PKDCC: variants seen among roughly 807,000 people sequenced by gnomAD.
PKDCC encodes extracellular tyrosine-protein kinase PKDCC.
In PKDCC, 35 loss-of-function variants were observed where a neutral mutation model predicts 44.7. The ratio of observed to expected loss-of-function variants is 0.78; its 90% CI spans 0.60 to 1.04. The LOEUF is 1.04. Ranked by LOEUF, PKDCC falls within the 50% of genes least tolerant of loss-of-function variation. The pLI, the probability that PKDCC is intolerant of heterozygous loss-of-function variation, is 0.00. For missense variants in PKDCC, 738 were observed against 672.7 expected, an observed-to-expected ratio of 1.10 and a Z score of -1.07; for synonymous variants, 353 against 303.3, an observed-to-expected ratio of 1.16 and a Z score of -1.70.
At chr2:42,049,213 G>C (rs190104584) in intron 1 of PKDCC, among the ~76,000 whole-genome samples, 6 of 152,306 alleles carry the variant, frequency 3.9e-5, no homozygotes, top group Admixed American at 2.6e-4. Context: ...CAAGACACTT[G>C]AGTCAGAATT....
chr2:42,056,250 C>A (rs1178301722), intron 5 of PKDCC, among the ~76,000 whole-genome samples: 1 of 152,058 alleles, frequency 6.6e-6, no homozygotes, highest in Non-Finnish European at 1.5e-5. Flanking sequence ...AGAGCTGGGG[C>A]TCTCCAGGCA....
chr2:42,048,470 G>T lies in PKDCC; in HGVS notation c.271G>T (p.Ala91Ser). 1 of 1,057,562 alleles carries T rather than the reference G, an allele frequency of 9.5e-7. No individual in the cohort carries two copies. The highest frequency in any genetic ancestry group is 7.1e-5 in the East Asian group (1 of 14,112). The allele number at this position is 1,057,562 out of a possible 1,614,324, so 65.5% of individuals were successfully genotyped here. ...RPERRRLMDL[A>S]PGGPGLPRPR... Reference sequence around the variant, plus strand: ...GGAGCGGCGGCGCCTGATGGACCTGGCTCCGGGCGGGCCCGGCCTGCCGCG... The same window carrying T: ...GGAGCGGCGGCGCCTGATGGACCTGTCTCCGGGCGGGCCCGGCCTGCCGCG... The change falls in exon 1 of 7, where the codon GCT becomes TCT. Residue 91 changes from alanine to serine, a missense_variant. Ala to Ser is a moderately conservative substitution (Grantham distance 99, BLOSUM62 1). Coordinates refer to ENST00000294964, the MANE Select transcript of PKDCC (RefSeq NM_138370.3). The surrounding 1 kb of genome is among the most constrained non-coding windows in gnomAD (Gnocchi z 6.2).
At chr2:42,056,411 A>C (rs1208522528) in intron 5 of PKDCC, among the ~76,000 whole-genome samples, 1 of 152,142 alleles carries the variant, frequency 6.6e-6, no homozygotes. Context: ...TTTGCATTTT[A>C]GTCCATTTGC....
chr2:42,053,187 C>G (rs1367011696), intron 1 of PKDCC, 52 bp from the exon 2 acceptor site: 2 of 1,297,022 alleles, frequency 1.5e-6, no homozygotes, highest in African/African-American at 3.0e-5. Flanking sequence ...CAGCCCTTCC[C>G]TGTCCCCACC....
rs752539182 is a variant in PKDCC, at chr2:42,048,777, C to T, written c.578C>T (p.Ala193Val). Residue 193 changes from alanine (A) to valine (V), a missense_variant, in exon 1 of 7, where the codon GCC (alanine) becomes GTC (valine). Transcript: ENST00000294964. This position sits in a 1 kb window ranked among gnomAD's most constrained non-coding sequence, Gnocchi z 6.2. Reference protein sequence around the residue: ...GVRRGCYRLAAHKLLKEMVLL... With the variant: ...GVRRGCYRLAVHKLLKEMVLL... Reference sequence around the variant, plus strand: ...CGGAGGGGCTGCTATCGGCTGGCGGCCCACAAGCTGCTTAAGGAGATGGTG... The same window carrying T: ...CGGAGGGGCTGCTATCGGCTGGCGGTCCACAAGCTGCTTAAGGAGATGGTG... The T allele has an allele frequency of 6.5e-7, 1 of 1,542,784 alleles. No homozygotes were observed. The highest frequency in any genetic ancestry group is 2.4e-5 in the East Asian group (1 of 41,854).
rs763152634 is a variant in PKDCC at position 42,048,765 on chromosome 2, A to C, written c.566A>C (p.Tyr189Ser). 1.3e-5 allele frequency: 21 copies of C among 1,571,250 alleles called. No homozygotes were observed. The highest frequency in any genetic ancestry group is 1.8e-5 in the Admixed American group (1 of 55,064). ...VREFGVRRGC[Y>S]RLAAHKLLKE... Reference sequence around the variant, plus strand: ...GAGTTCGGGGTACGGAGGGGCTGCTATCGGCTGGCGGCCCACAAGCTGCTT... The same window carrying C: ...GAGTTCGGGGTACGGAGGGGCTGCTCTCGGCTGGCGGCCCACAAGCTGCTT... Residue 189 changes from tyrosine (Y) to serine (S), a missense_variant, in exon 1 of 7, where the codon TAT (tyrosine) becomes TCT (serine). Physicochemically the swap from Tyr to Ser is moderately radical, Grantham distance 144. Coordinates refer to ENST00000294964, the MANE Select transcript of PKDCC (RefSeq NM_138370.3). The surrounding 1 kb of genome is among the most constrained non-coding windows in gnomAD (Gnocchi z 6.2).
Position 42,057,734 on chromosome 2 carries a change from G to C in PKDCC, c.*46G>C. On this transcript the variant is annotated 3_prime_UTR_variant, in exon 7 of 7. Coordinates refer to ENST00000294964, the MANE Select transcript of PKDCC (RefSeq NM_138370.3). ...ACCAGCTGACTATCCTCAGCAGCTG[G>C]GCTTGCCTGTGGAGGGAGTGACTTG... 1 of 1,568,106 alleles carries C rather than the reference G, an allele frequency of 6.4e-7. No individual in the cohort carries two copies. Among genetic ancestry groups the C allele is most frequent in the South Asian group, 1.1e-5 (1 of 88,686 alleles).
chr2:42,052,917 G>A lies in PKDCC; in HGVS notation c.640-322G>A, dbSNP rs1345228800. Among the ~76,000 whole-genome samples, 5 of 152,286 alleles carry A rather than the reference G, an allele frequency of 3.3e-5. No individual in the cohort carries two copies. The highest frequency in any genetic ancestry group is 1.2e-4 in the African/African-American group (5 of 41,564). The stretch of plus-strand genomic sequence containing the variant: ...TGGAGATAATAATAGCACCTACTGT[G>A]CCCATTAGGGTTATTACAATAATTG... On this transcript the variant is annotated intron_variant, in intron 1 of 6. Transcript: ENST00000294964. The surrounding 1 kb of genome is among the most constrained non-coding windows in gnomAD (Gnocchi z 4.3).
In PKDCC at chr2:42,054,184, C is replaced by A. The variant is rs150069795; in HGVS notation, c.911C>A (p.Thr304Lys). The A allele has an allele frequency of 3.7e-5, 60 of 1,609,850 alleles. No homozygotes were observed. The highest frequency in any genetic ancestry group is 5.1e-5 in the Non-Finnish European group (60 of 1,178,170). Residue 304 changes from threonine (T) to lysine (K), a missense_variant, in exon 3 of 7, where the codon ACG becomes AAG. Physicochemically the swap from Thr to Lys is moderately conservative, Grantham distance 78. Transcript: ENST00000294964. The surrounding 1 kb of genome is among the most constrained non-coding windows in gnomAD (Gnocchi z 6.1). ...CTGGATGACGCACGTGTGGAGGAGACGCCGTGTGCAGGCAGCACCGACTGC... is the reference window on the plus strand; with the variant it reads ...CTGGATGACGCACGTGTGGAGGAGAAGCCGTGTGCAGGCAGCACCGACTGC... Reference protein sequence around the residue: ...TDLDDARVEETPCAGSTDCIL... With the variant: ...TDLDDARVEEKPCAGSTDCIL...
chr2:42,057,179 G>A (rs1365741436), intron 5 of PKDCC, 42 bp from the exon 6 acceptor site: 1 of 1,603,182 alleles, frequency 6.2e-7, no homozygotes, highest in Admixed American at 1.7e-5. Flanking sequence ...ACTCAAACCT[G>A]GGCATACAGA....
rs368411585 is a variant in PKDCC, at chr2:42,057,357, T to C, written c.1359T>C (p.Cys453=). ...ATGTCTGTGAGAGCCATGCCCAGTG[T>C]CGGGCCTTTGTGGTCACCAACCAGA... ...AVDVCESHAQ[C]RAFVVTNQTT... is the part of the protein sequence containing the mutation. The change falls in exon 6 of 7, where the codon TGT becomes TGC. Residue 453 remains cysteine, a synonymous_variant. Transcript: ENST00000294964. 7.4e-6 allele frequency: 12 copies of C among 1,614,052 alleles called. No homozygotes were observed. Among genetic ancestry groups the C allele is most frequent in the Non-Finnish European group, 1.0e-5 (12 of 1,180,036 alleles).
Position 42,055,099 on chromosome 2 carries a change from C to A in PKDCC, c.1114+79C>A, listed in dbSNP as rs1668031304. 1.0e-5 allele frequency: 15 copies of A among 1,471,320 alleles called. No homozygotes were observed. Among genetic ancestry groups the A allele is most frequent in the Middle Eastern group, 1.8e-4 (1 of 5,712 alleles). The allele number at this position is 1,471,320 out of a possible 1,614,324, so 91.1% of individuals were successfully genotyped here. On this transcript the variant is annotated intron_variant, in intron 4 of 6. Coordinates refer to ENST00000294964, the MANE Select transcript of PKDCC (RefSeq NM_138370.3). This position sits in a 1 kb window ranked among gnomAD's most constrained non-coding sequence, Gnocchi z 4.5. ...CAGCAAAAGTGGGGAGAAAAATAAC[C>A]CAGGGCAGCAGGGGTTCTAGAAACC...
intron 6 of PKDCC, 91 bp from the exon 7 acceptor site, chr2:42,057,512 C>T (rs760107173): frequency 8.4e-6 from 13 of 1,548,890 alleles, no homozygotes; most frequent in Admixed American, 5.4e-5. Flanking sequence ...GAGAGGTATA[C>T]GTGTCTTCAA....
At position 42,055,501 on chromosome 2, in the gene PKDCC, T is replaced by C; in HGVS notation, c.1222+108T>C. On this transcript the variant is annotated intron_variant, in intron 5 of 6. Transcript: ENST00000294964. This position sits in a 1 kb window ranked among gnomAD's most constrained non-coding sequence, Gnocchi z 4.5. ...CACCCTTTCTCTGGGGACCCTTGTC[T>C]CCAAAGGCCACTGTAGGGGCTCACA... 1 of 900,072 alleles carries C rather than the reference T, an allele frequency of 1.1e-6. No homozygotes were observed. Among genetic ancestry groups the C allele is most frequent in the Non-Finnish European group, 1.7e-6 (1 of 576,846 alleles). The allele number at this position is 900,072 out of a possible 1,614,324, so 55.8% of individuals were successfully genotyped here. A position where few individuals can be genotyped will look rare whatever the true frequency, so the allele number is the denominator to read the frequency against.
In PKDCC at chr2:42,054,056, C is replaced by A. The variant is rs769620637; in HGVS notation, c.783C>A (p.Arg261=). Residue 261 remains arginine (R), a synonymous_variant, in exon 3 of 7, where the codon CGC becomes CGA. Transcript: ENST00000294964. This position sits in a 1 kb window ranked among gnomAD's most constrained non-coding sequence, Gnocchi z 6.1. ...DRFRICLSLG[R]LLHHLAHSPL... ...CTCAGATCTGCCTGAGCCTGGGCCG[C>A]CTCCTCCACCACCTGGCCCACTCCC... 1 of 1,611,882 alleles carries A rather than the reference C, an allele frequency of 6.2e-7. No homozygotes were observed. The highest frequency in any genetic ancestry group is 1.1e-5 in the South Asian group (1 of 90,954).
rs772850359 is a variant in PKDCC, at chr2:42,057,681, C to T, written c.1475C>T (p.Ser492Phe). 5 of 1,613,604 alleles carry T rather than the reference C, an allele frequency of 3.1e-6. No individual in the cohort carries two copies. The African/African-American group carries it at 5.3e-5, about 17-fold the overall frequency. ...DPNKTTYVKA[S>F]G ...AACAAGACCACATATGTGAAGGCCTCTGGCTGACCTATCTGAGGGCTCGGC... is the reference window on the plus strand; with the variant it reads ...AACAAGACCACATATGTGAAGGCCTTTGGCTGACCTATCTGAGGGCTCGGC... The change falls in exon 7 of 7, where the codon TCT becomes TTT. Residue 492 changes from serine (S) to phenylalanine (F), a missense_variant. Coordinates refer to ENST00000294964, the MANE Select transcript of PKDCC (RefSeq NM_138370.3).
intron 1 of PKDCC, 26 bp from the exon 2 acceptor site, chr2:42,053,213 A>AAAT: frequency 6.5e-7 from 1 of 1,530,752 alleles, no homozygotes; most frequent in Non-Finnish European, 8.8e-7. Context: ...CCTGTGACCT[A>AAAT]ATGACCTGCC....
chr2:42,057,634 G>A lies in PKDCC; in HGVS notation c.1428G>A (p.Trp476Ter). ...GRQLVFFKTG[W>*]SQVVPDPNKT... ...AGCTGGTCTTTTTCAAGACTGGATG[G>A]AGCCAAGTGGTCCCTGATCCCAACA... The change falls in exon 7 of 7, where the codon TGG becomes TGA. Residue 476 changes from tryptophan to a stop codon, truncating the protein, a stop_gained. Transcript: ENST00000294964. LOFTEE classifies it high-confidence loss of function. The A allele has an allele frequency of 6.2e-7, 1 of 1,613,990 alleles. No homozygotes were observed. The highest frequency in any genetic ancestry group is 8.5e-7 in the Non-Finnish European group (1 of 1,180,006).
rs1170160929 is a variant in PKDCC at position 42,052,905 on chromosome 2, A to G, written c.640-334A>G. Among the ~76,000 whole-genome samples, 1 of 152,190 alleles carries G rather than the reference A, an allele frequency of 6.6e-6. No individual in the cohort carries two copies. Among genetic ancestry groups the G allele is most frequent in the African/African-American group, 2.4e-5 (1 of 41,448 alleles). ...CTCACCTGAAGTTGGAGATAATAAT[A>G]GCACCTACTGTGCCCATTAGGGTTA... is the stretch of plus-strand genomic sequence containing the variant. On this transcript the variant is annotated intron_variant, in intron 1 of 6. Coordinates refer to ENST00000294964, the MANE Select transcript of PKDCC (RefSeq NM_138370.3). The surrounding 1 kb of genome is among the most constrained non-coding windows in gnomAD (Gnocchi z 4.3).
Sources: gnomAD v4.1 joint callset for allele counts (sites outside exome capture counted in the v4.1 genomes callset) on GRCh38, gnomAD v4.1.1 for gene constraint, Gnocchi (gnomAD v3.1) non-coding constraint, MANE v1.5 for transcripts, NCBI Gene and HGNC (gene_info 2026-07-23, HGNC 2026-07-21) for gene names.